Variants in NRCAM observed in about 807,000 individuals in gnomAD.
NRCAM encodes the protein neuronal cell adhesion molecule, also known as NgCAM-related cell adhesion molecule.
Under a neutral mutation model 156.5 loss-of-function variants are expected in NRCAM, and 83 were observed. The ratio of observed to expected loss-of-function variants is 0.53; its 90% CI spans 0.44 to 0.64. NRCAM has a LOEUF of 0.64. NRCAM is among the 30% of genes least tolerant of loss of function. The probability of loss-of-function intolerance (pLI) is 0.00; values close to 1 mark genes in which losing one functional copy is unlikely to be tolerated. For synonymous variants in NRCAM, 538 were observed against 563.9 expected (o/e 0.95, Z 0.65); for missense variants, 1,417 against 1,597.3 (o/e 0.89, Z 1.92).
chr7:108,225,929 C>G (rs1254669621), intron 9 of NRCAM, among the ~76,000 whole-genome samples: 2 of 152,154 alleles, frequency 1.3e-5, no homozygotes, highest in African/African-American at 4.8e-5. Flanking sequence ...ATAAGAGGCA[C>G]TGTGGAGCAT....
intron 25 of NRCAM, 74 bp downstream of exon 25, chr7:108,180,149 G>C (rs994513602): frequency 7.8e-7 from 1 of 1,281,652 alleles, no homozygotes; most frequent in Non-Finnish European, 1.1e-6. Context: ...TTGATCAGTA[G>C]CCCTTCTGTC....
At chr7:108,269,721 A>G (rs543102969) in intron 3 of NRCAM, among the ~76,000 whole-genome samples, 22 of 152,354 alleles carry the variant, frequency 1.4e-4, no homozygotes, top group Non-Finnish European at 4.4e-5. Flanking sequence ...AGTCAGTTAA[A>G]TAATCAAATG....
chr7:108,268,636 T>TGGGGGGGGGGGGGGGG (rs1300340254), intron 3 of NRCAM, among the ~76,000 whole-genome samples: 1 of 8,492 alleles, frequency 1.2e-4, no homozygotes, highest in Admixed American at 1.4e-3. Flanking sequence ...GGGGGGGGGT[T>TGGGGGGGGGGGGGGGG]GGGGGGGGCG....
intron 2 of NRCAM, among the ~76,000 whole-genome samples, chr7:108,357,822 C>G (rs1194255712): frequency 6.6e-6 from 1 of 152,166 alleles, no homozygotes; most frequent in Admixed American, 6.5e-5. Flanking sequence ...AACAGTTTCT[C>G]TAGTTGGGTT....
At chr7:108,343,958 C>T (rs1368008113) in intron 2 of NRCAM, among the ~76,000 whole-genome samples, 1 of 152,158 alleles carries the variant, frequency 6.6e-6, no homozygotes, top group Non-Finnish European at 1.5e-5. Context: ...AAATGGATCC[C>T]CAGAGGCAGT....
At chr7:108,363,496 C>G (rs2099572477) in intron 2 of NRCAM, among the ~76,000 whole-genome samples, 1 of 152,144 alleles carries the variant, frequency 6.6e-6, no homozygotes, top group South Asian at 2.1e-4. Flanking sequence ...CATGTGCCTG[C>G]CTTGGCCTCT....
intron 1 of NRCAM, among the ~76,000 whole-genome samples, chr7:108,450,687 C>A (rs1014465893): frequency 6.6e-6 from 1 of 152,164 alleles, no homozygotes; most frequent in African/African-American, 2.4e-5. Context: ...GACATAGGTA[C>A]TTTAATTCAA....
chr7:108,244,525 CTG>C (rs1351743479), intron 3 of NRCAM, among the ~76,000 whole-genome samples: 1 of 152,160 alleles, frequency 6.6e-6, no homozygotes, highest in Admixed American at 6.5e-5. Context: ...AAGTCTGAGA[CTG>C]TGGAGGAAAG....
intron 2 of NRCAM, among the ~76,000 whole-genome samples, chr7:108,358,935 AG>A (rs1441727161): frequency 6.6e-6 from 1 of 152,214 alleles, no homozygotes; most frequent in African/African-American, 2.4e-5. Context: ...GAATCATTCT[AG>A]GGGTTGTCAT....
At chr7:108,253,428 G>A in intron 3 of NRCAM, among the ~76,000 whole-genome samples, 1 of 152,312 alleles carries the variant, frequency 6.6e-6, no homozygotes, top group African/African-American at 2.4e-5. Flanking sequence ...TAATACTCCA[G>A]GGAGAGAAGA....
chr7:108,309,027 GA>G (rs2098760011), intron 3 of NRCAM, among the ~76,000 whole-genome samples: 1 of 152,198 alleles, frequency 6.6e-6, no homozygotes, highest in African/African-American at 2.4e-5. Flanking sequence ...ACTTCATGTG[GA>G]AATGGAAAGC....
In NRCAM at chr7:108,290,577, C is replaced by T. The variant is rs2098257312; in HGVS notation, c.-107+22088G>A. Among the ~76,000 whole-genome samples the T allele has an allele frequency of 2.0e-5, 3 of 152,180 alleles. 1 individual carries two copies. The highest frequency in any genetic ancestry group is 2.0e-4 in the Admixed American group (3 of 15,280). On this transcript the variant is annotated intron_variant, in intron 3 of 32. Transcript: ENST00000379028. ...ACAGTACAAAGCAAGCATTTCTACTCTTTGTGATTACAACTATCTAAACAT... is the reference window on the plus strand; with the variant it reads ...ACAGTACAAAGCAAGCATTTCTACTTTTTGTGATTACAACTATCTAAACAT...
chr7:108,281,241 A>G (rs892703488), intron 3 of NRCAM, among the ~76,000 whole-genome samples: 1 of 152,194 alleles, frequency 6.6e-6, no homozygotes, highest in Non-Finnish European at 1.5e-5. Context: ...CATATATAAC[A>G]TGAACTTTAA....
intron 28 of NRCAM, 91 bp from the exon 29 acceptor site, chr7:108,168,493 CA>C (rs1250261249): frequency 8.9e-7 from 1 of 1,128,706 alleles, no homozygotes; most frequent in Non-Finnish European, 1.2e-6. Flanking sequence ...TGAAATTGTG[CA>C]AATAGAATTA....
At position 108,215,978 on chromosome 7, in the gene NRCAM, G is replaced by A. The variant is rs151066702; in HGVS notation, c.891-6373C>T. Among the ~76,000 whole-genome samples the A allele has an allele frequency of 1.1e-3, 170 of 152,234 alleles. 1 individual carries two copies. The highest frequency in any genetic ancestry group is 1.9e-3 in the Non-Finnish European group (132 of 68,020). Reference sequence around the variant, plus strand: ...ATGATGCTAGCTGGTTATTCTGCGCGTTAGTTGATGCAGTTTCTTCATAGT... The same window carrying A: ...ATGATGCTAGCTGGTTATTCTGCGCATTAGTTGATGCAGTTTCTTCATAGT... On this transcript the variant is annotated intron_variant, in intron 11 of 32. Transcript: ENST00000379028.
chr7:108,215,541 C>T (rs2087807498), intron 11 of NRCAM, among the ~76,000 whole-genome samples: 1 of 152,054 alleles, frequency 6.6e-6, no homozygotes, highest in Admixed American at 6.5e-5. Flanking sequence ...GTGTGGGAGT[C>T]TAAGTGTCTT....
intron 3 of NRCAM, among the ~76,000 whole-genome samples, chr7:108,270,672 G>T (rs149743204): frequency 3.1e-4 from 47 of 152,330 alleles, no homozygotes; most frequent in African/African-American, 1.1e-3. Context: ...TAAGCAAACT[G>T]TGGTATATGG....
At chr7:108,432,035 G>T (rs1034937558) in intron 1 of NRCAM, among the ~76,000 whole-genome samples, 2 of 152,178 alleles carry the variant, frequency 1.3e-5, no homozygotes, top group African/African-American at 2.4e-5. Context: ...GGGGAGGGAA[G>T]AAGACAGGCA....
intron 3 of NRCAM, among the ~76,000 whole-genome samples, chr7:108,297,229 T>C (rs1442940984): frequency 6.6e-6 from 1 of 152,244 alleles, no homozygotes; most frequent in African/African-American, 2.4e-5. Flanking sequence ...TTGAAGAGTA[T>C]TTATTCTCTC....
Sources: gnomAD v4.1 joint callset for allele counts (sites outside exome capture counted in the v4.1 genomes callset) on GRCh38, gnomAD v4.1.1 for gene constraint, MANE v1.5 for transcripts, NCBI Gene and HGNC (gene_info 2026-07-23, HGNC 2026-07-21) for gene names.